Variants in GLUL observed in about 807,000 individuals in gnomAD.
The protein encoded by GLUL is glutamate-ammonia ligase.
A neutral mutation model predicts 36.9 loss-of-function variants in GLUL; 8 were observed. That is an observed-to-expected ratio of 0.22 (90% CI 0.13 to 0.39). The LOEUF (loss-of-function observed/expected upper bound fraction) is 0.39, where lower values mean the gene tolerates loss of function less well. Among genes scored for constraint, GLUL ranks in the 10% least tolerant of loss-of-function variants. GLUL has a pLI of 1.00. For missense variants in GLUL, 315 were observed against 501.8 expected (o/e 0.63, Z 3.56); for synonymous variants, 182 against 172.8 (o/e 1.05, Z -0.42).
At chr1:182,390,989 C>G (rs901750037) in intron 1 of GLUL, 5 of 397,544 alleles carry the variant, frequency 1.3e-5, no homozygotes, top group Non-Finnish European at 2.2e-5. Flanking sequence ...CATACCCTGC[C>G]GCCGAGGGGT....
Position 182,380,661 on chromosome 1 carries a change from A to T in GLUL, c.*3744T>A, listed in dbSNP as rs1264670883. 6.6e-6 allele frequency among the ~76,000 whole-genome samples: 1 copy of T among 152,230 alleles called. No individual in the cohort carries two copies. Among genetic ancestry groups the T allele is most frequent in the Non-Finnish European group, 1.5e-5 (1 of 68,038 alleles). ...GCTGTCATGGCCAGAGTTAAAATAC[A>T]GTCAAACAACAAAGACCTCATAGAG... On this transcript the variant is annotated 3_prime_UTR_variant, in exon 7 of 7. Transcript: ENST00000331872.
rs927280106 is a variant in GLUL, at chr1:182,379,269, C to G, written c.*5136G>C. Among the ~76,000 whole-genome samples the G allele has an allele frequency of 3.9e-5, 6 of 152,116 alleles. No individual in the cohort carries two copies. The highest frequency in any genetic ancestry group is 7.3e-5 in the Non-Finnish European group (5 of 68,034). ...GATATGTCTCACTCTTTTGCCCAGG[C>G]TGGAGTGAAGTGGAGTGATCTTTGC... On this transcript the variant is annotated 3_prime_UTR_variant, in exon 7 of 7. Transcript: ENST00000331872.
chr1:182,380,686 G>A lies in GLUL; in HGVS notation c.*3719C>T, dbSNP rs1649897741. Among the ~76,000 whole-genome samples, 2 of 152,156 alleles carry A rather than the reference G, an allele frequency of 1.3e-5. No individual in the cohort carries two copies. The highest frequency in any genetic ancestry group is 4.8e-5 in the African/African-American group (2 of 41,434). ...AGTCAAACAACAAAGACCTCATAGA[G>A]TTAAAGCTCACAAAACTGATACTTA... On this transcript the variant is annotated 3_prime_UTR_variant, in exon 7 of 7. Transcript: ENST00000331872.
In GLUL at chr1:182,382,848, T is replaced by C. The variant is rs1352211338; in HGVS notation, c.*1557A>G. The C allele has an allele frequency of 1.3e-5, 2 of 152,170 alleles. No individual in the cohort carries two copies. Among genetic ancestry groups the C allele is most frequent in the African/African-American group, 2.4e-5 (1 of 41,450 alleles). 9.4% of individuals were successfully genotyped at this position (152,170 alleles called of 1,614,324 possible). On this transcript the variant is annotated 3_prime_UTR_variant, in exon 7 of 7. Transcript: ENST00000331872. ...GCCTGTTTTAGGAAATAAAGAAATA[T>C]AATGGCACATAGGGATTTGAAAGAA...
intron 6 of GLUL, chr1:182,385,048 C>A: frequency 6.6e-6 from 2 of 303,556 alleles, no homozygotes; most frequent in South Asian, 4.4e-5. Context: ...ACATATGTCA[C>A]AAATATATAT....
At chr1:182,391,414 ATC>A in intron 1 of GLUL, 1 of 393,826 alleles carries the variant, frequency 2.5e-6, no homozygotes, top group Admixed American at 4.4e-5. Context: ...TGAAAAGAAG[ATC>A]AAAACAACTC....
chr1:182,384,032 G>C lies in GLUL; in HGVS notation c.*373C>G. 3.2e-6 allele frequency: 1 copy of C among 308,038 alleles called. No individual in the cohort carries two copies. The allele number at this position is 308,038 out of a possible 1,614,324, so 19.1% of individuals were successfully genotyped here. A position where few individuals can be genotyped will look rare whatever the true frequency, so the allele number is the denominator to read the frequency against. On this transcript the variant is annotated 3_prime_UTR_variant, in exon 7 of 7. Coordinates refer to ENST00000331872, the MANE Select transcript of GLUL (RefSeq NM_001033044.4). Reference sequence around the variant, plus strand: ...TCCTAACCTAACCAGAGTACGTCAGGTCTTCCCCTTTCAGCTACCTGGAAG... The same window carrying C: ...TCCTAACCTAACCAGAGTACGTCAGCTCTTCCCCTTTCAGCTACCTGGAAG...
Position 182,380,570 on chromosome 1 carries a change from A to C in GLUL, c.*3835T>G, listed in dbSNP as rs1487243804. Among the ~76,000 whole-genome samples the C allele has an allele frequency of 6.6e-6, 1 of 152,242 alleles. No homozygotes were observed. The highest frequency in any genetic ancestry group is 2.4e-5 in the African/African-American group (1 of 41,462). On this transcript the variant is annotated 3_prime_UTR_variant, in exon 7 of 7. Transcript: ENST00000331872. Reference sequence around the variant, plus strand: ...TGCAGCCTCACAAAGTGTTGGGATCACAGGCGTAAGCCACTTCACCTGGCC... The same window carrying C: ...TGCAGCCTCACAAAGTGTTGGGATCCCAGGCGTAAGCCACTTCACCTGGCC...
chr1:182,391,454 G>T, intron 1 of GLUL: 1 of 378,828 alleles, frequency 2.6e-6, no homozygotes. Context: ...GCCTGGCCAA[G>T]GGCGCGCCCC....
rs1352582138 is a variant in GLUL at position 182,382,753 on chromosome 1, G to A, written c.*1652C>T. ...CAAATACCCAACTTAGAGAGGTACA[G>A]GAAACGGCTGGTCAGCAACATCACT... is the stretch of plus-strand genomic sequence containing the variant. On this transcript the variant is annotated 3_prime_UTR_variant, in exon 7 of 7. Coordinates refer to ENST00000331872, the MANE Select transcript of GLUL (RefSeq NM_001033044.4). 1 of 152,144 alleles carries A rather than the reference G, an allele frequency of 6.6e-6. No individual in the cohort carries two copies. Among genetic ancestry groups the A allele is most frequent in the Non-Finnish European group, 1.5e-5 (1 of 68,024 alleles). The allele number at this position is 152,144 out of a possible 1,614,324, so 9.4% of individuals were successfully genotyped here.
At position 182,391,740 on chromosome 1, in the gene GLUL, G is replaced by GGAGGC. The variant is rs1650430496; in HGVS notation, c.-80_-76dup. 1 of 152,634 alleles carries GGAGGC rather than the reference G, an allele frequency of 6.6e-6. No individual in the cohort carries two copies. The highest frequency in any genetic ancestry group is 6.5e-5 in the Admixed American group (1 of 15,304). The allele number at this position is 152,634 out of a possible 1,614,324, so 9.5% of individuals were successfully genotyped here. Reference sequence around the variant, plus strand: ...GCGAGAGCGAGGTTAGGAGAGGAGAGGAGGCCGCAGTACTGCTCACACGCT... The same window carrying GGAGGC: ...GCGAGAGCGAGGTTAGGAGAGGAGAGGAGGCGAGGCCGCAGTACTGCTCACACGCT... On this transcript the variant is annotated 5_prime_UTR_variant, in exon 1 of 7. Coordinates refer to ENST00000331872, the MANE Select transcript of GLUL (RefSeq NM_001033044.4).
rs1650055874 is a variant in GLUL, at chr1:182,384,064, C to T, written c.*341G>A. On this transcript the variant is annotated 3_prime_UTR_variant, in exon 7 of 7. Coordinates refer to ENST00000331872, the MANE Select transcript of GLUL (RefSeq NM_001033044.4). ...CCTTTCAGCTACCTGGAAGAAGAGACCCCCTTCTGCAAACGTGCTCTGTCC... is the reference window on the plus strand; with the variant it reads ...CCTTTCAGCTACCTGGAAGAAGAGATCCCCTTCTGCAAACGTGCTCTGTCC... The T allele has an allele frequency of 6.1e-6, 2 of 327,070 alleles. No individual in the cohort carries two copies. The highest frequency in any genetic ancestry group is 7.4e-5 in the East Asian group (1 of 13,558). The allele number at this position is 327,070 out of a possible 1,614,324, so 20.3% of individuals were successfully genotyped here. A position where few individuals can be genotyped will look rare whatever the true frequency, so the allele number is the denominator to read the frequency against.
chr1:182,384,184 C>T lies in GLUL; in HGVS notation c.*221G>A. ...TCCCCACTAATGCACTAAAAAGCTT[C>T]AGTGATAGGGAAAAAAAGGAGGGTA... is the stretch of plus-strand genomic sequence containing the variant. On this transcript the variant is annotated 3_prime_UTR_variant, in exon 7 of 7. Transcript: ENST00000331872. 3.7e-6 allele frequency: 2 copies of T among 546,662 alleles called. No individual in the cohort carries two copies. Among genetic ancestry groups the T allele is most frequent in the South Asian group, 2.0e-5 (1 of 49,308 alleles). 33.9% of individuals were successfully genotyped at this position (546,662 alleles called of 1,614,324 possible). A position where few individuals can be genotyped will look rare whatever the true frequency, so the allele number is the denominator to read the frequency against.
At chr1:182,386,816 A>AACATTTGTCCATTGGTTT (rs1650202632) in intron 3 of GLUL, 1 of 476,426 alleles carries the variant, frequency 2.1e-6, no homozygotes, top group Non-Finnish European at 3.8e-6. Context: ...ATTTTTGAGA[A>AACATTTGTCCATTGGTTT]ACATTTGTCC....
At chr1:182,386,072 TCCC>T (rs1381998926) in intron 4 of GLUL, 181 bp downstream of exon 4, 7 of 867,116 alleles carry the variant, frequency 8.1e-6, no homozygotes, top group African/African-American at 1.7e-5. Flanking sequence ...GGCCAAACGT[TCCC>T]CCTAAAACCT....
chr1:182,386,836 C>T (rs1246638030), intron 3 of GLUL: 1 of 507,572 alleles, frequency 2.0e-6, no homozygotes, highest in Non-Finnish European at 3.6e-6. Context: ...CATTGGTTTA[C>T]ATTTGTCCTG....
In GLUL at chr1:182,387,246, C is replaced by T. The variant is rs763866364; in HGVS notation, c.213G>A (p.Glu71=). The T allele has an allele frequency of 6.2e-7, 1 of 1,613,266 alleles. No homozygotes were observed. Among genetic ancestry groups the T allele is most frequent in the Non-Finnish European group, 8.5e-7 (1 of 1,179,242 alleles). ...CGAGATACATGTCACTGTTGGAACC[C>T]TCAGACTGTAAAGTACTAGAGCCAT... The part of the protein sequence containing the change: ...NFDGSSTLQS[E]GSNSDMYLVP... Residue 71 remains glutamate, a synonymous_variant, in exon 3 of 7, where the codon GAG becomes GAA. Transcript: ENST00000331872.
rs192629964 is a variant in GLUL at position 182,382,254 on chromosome 1, T to G, written c.*2151A>C. ...AGCCGGAGGGAGCTTTTACCCAACC[T>G]CATGAGGAATGAACGAAGGTAGGAA... On this transcript the variant is annotated 3_prime_UTR_variant, in exon 7 of 7. Transcript: ENST00000331872. 6.6e-6 allele frequency: 1 copy of G among 152,230 alleles called. No individual in the cohort carries two copies. Among genetic ancestry groups the G allele is most frequent in the East Asian group, 1.9e-4 (1 of 5,178 alleles). 9.4% of individuals were successfully genotyped at this position (152,230 alleles called of 1,614,324 possible). A position where few individuals can be genotyped will look rare whatever the true frequency, so the allele number is the denominator to read the frequency against.
chr1:182,378,516 C>T lies in GLUL; in HGVS notation c.*5889G>A, dbSNP rs1003021804. On this transcript the variant is annotated 3_prime_UTR_variant, in exon 7 of 7. Coordinates refer to ENST00000331872, the MANE Select transcript of GLUL (RefSeq NM_001033044.4). ...AGAGTTGGCAGTAGAACTTTAAGAACAATTATACCTTCTACATCTTACCAC... is the reference window on the plus strand; with the variant it reads ...AGAGTTGGCAGTAGAACTTTAAGAATAATTATACCTTCTACATCTTACCAC... Among the ~76,000 whole-genome samples the T allele has an allele frequency of 6.6e-6, 1 of 152,176 alleles. No individual in the cohort carries two copies. Among genetic ancestry groups the T allele is most frequent in the Non-Finnish European group, 1.5e-5 (1 of 68,034 alleles).
Sources: allele counts gnomAD v4.1 joint callset (sites outside exome capture counted in the v4.1 genomes callset), GRCh38; gene constraint gnomAD v4.1.1; transcripts MANE v1.5; gene names NCBI Gene and HGNC (gene_info 2026-07-23, HGNC 2026-07-21).